Variants in RARB observed in about 807,000 individuals in gnomAD.
RARB encodes the protein HBV-activated protein.
In RARB, 17 loss-of-function variants were observed where a neutral mutation model predicts 51.9. The observed-to-expected ratio is 0.33, with a 90% CI of 0.22 to 0.49. The LOEUF (loss-of-function observed/expected upper bound fraction) is 0.49. Among genes scored for constraint, RARB ranks in the 20% least tolerant of loss-of-function variants. The probability of loss-of-function intolerance (pLI) is 0.99; values close to 1 mark genes in which losing one functional copy is unlikely to be tolerated. For missense variants in RARB, 369 were observed against 550.8 expected (o/e 0.67, Z 3.30); for synonymous variants, 215 against 195.4 (o/e 1.10, Z -0.84).
chr3:25,189,368 A>G (rs574782007), intron 5 of RARB, among the ~76,000 whole-genome samples: 3 of 152,264 alleles, frequency 2.0e-5, no homozygotes, highest in East Asian at 3.9e-4. Flanking sequence ...TTAGCCAAAG[A>G]TTTTTGTAAG....
At chr3:25,367,505 C>T (rs1196961021) in intron 5 of RARB, among the ~76,000 whole-genome samples, 1 of 151,996 alleles carries the variant, frequency 6.6e-6, no homozygotes, top group Non-Finnish European at 1.5e-5. Context: ...TTGTATCAGT[C>T]CCCTATCTCA....
intron 5 of RARB, among the ~76,000 whole-genome samples, chr3:25,317,985 A>G (rs1357187862): frequency 3.3e-5 from 5 of 152,176 alleles, no homozygotes; most frequent in African/African-American, 9.6e-5. Flanking sequence ...GTTGGAAACA[A>G]CAGGCATCCT....
chr3:25,265,505 C>T (rs762955461), intron 5 of RARB, among the ~76,000 whole-genome samples: 2 of 152,178 alleles, frequency 1.3e-5, no homozygotes, highest in Non-Finnish European at 2.9e-5. Flanking sequence ...CAGAGTCTTG[C>T]TCTGTCACCC....
intron 5 of RARB, among the ~76,000 whole-genome samples, chr3:25,332,633 T>C (rs538135061): frequency 6.6e-6 from 1 of 152,310 alleles, no homozygotes; most frequent in South Asian, 2.1e-4. Flanking sequence ...GGATGACCTC[T>C]CTCACCACTC....
chr3:25,070,991 C>T (rs1186183986), intron 3 of RARB, among the ~76,000 whole-genome samples: 2 of 152,162 alleles, frequency 1.3e-5, no homozygotes, highest in Non-Finnish European at 2.9e-5. Context: ...GCAGCATTGA[C>T]ATTTACCAGA....
chr3:25,587,071 G>A (rs1701421415), intron 5 of RARB, among the ~76,000 whole-genome samples: 1 of 152,162 alleles, frequency 6.6e-6, no homozygotes, highest in South Asian at 2.1e-4. Context: ...GTGAACTTAG[G>A]GAAGCTAACT....
chr3:25,400,424 A>G (rs1156294927), intron 5 of RARB, among the ~76,000 whole-genome samples: 2 of 152,232 alleles, frequency 1.3e-5, no homozygotes, highest in East Asian at 1.9e-4. Flanking sequence ...TGTTTATTCC[A>G]TAATTCAAGC....
intron 3 of RARB, among the ~76,000 whole-genome samples, chr3:25,097,952 T>G (rs893006256): frequency 6.6e-6 from 1 of 152,206 alleles, no homozygotes; most frequent in Non-Finnish European, 1.5e-5. Flanking sequence ...GTCCCTACCT[T>G]TAACTTGTTT....
At chr3:25,471,954 G>C (rs1390855181) in intron 2 of RARB, among the ~76,000 whole-genome samples, 1 of 152,112 alleles carries the variant, frequency 6.6e-6, no homozygotes, top group African/African-American at 2.4e-5. Context: ...CTCATTGTCA[G>C]GGCAGGGCTC....
chr3:25,248,438 C>G (rs1318927984), intron 5 of RARB, among the ~76,000 whole-genome samples: 2 of 151,998 alleles, frequency 1.3e-5, no homozygotes, highest in African/African-American at 4.8e-5. Flanking sequence ...TTTGAATATT[C>G]TTTGTTTCTT....
chr3:24,997,746 AACTT>A (rs1697072882), intron 2 of RARB, among the ~76,000 whole-genome samples: 1 of 152,102 alleles, frequency 6.6e-6, no homozygotes. Context: ...CATTTGTGGG[AACTT>A]ACTTTGCAGC....
intron 2 of RARB, among the ~76,000 whole-genome samples, chr3:24,927,647 C>A (rs1275444197): frequency 6.6e-6 from 1 of 152,012 alleles, no homozygotes; most frequent in East Asian, 1.9e-4. Context: ...ATATTCATAC[C>A]CTCAACACAT....
At chr3:25,511,490 T>C (rs1374938938) in intron 3 of RARB, among the ~76,000 whole-genome samples, 1 of 152,072 alleles carries the variant, frequency 6.6e-6, no homozygotes, top group Non-Finnish European at 1.5e-5. Context: ...CCTTTCCCCT[T>C]TATAGTAGTA....
intron 3 of RARB, among the ~76,000 whole-genome samples, chr3:25,544,833 G>T (rs1699550531): frequency 6.6e-6 from 1 of 152,286 alleles, no homozygotes; most frequent in East Asian, 1.9e-4. Flanking sequence ...AGTTTTTCAA[G>T]CAGTTGCTAT....
chr3:24,994,617 T>A (rs1696983266), intron 2 of RARB, among the ~76,000 whole-genome samples: 1 of 152,114 alleles, frequency 6.6e-6, no homozygotes. Flanking sequence ...TCTAATAGTT[T>A]TATTGTTTCG....
At chr3:25,588,724 C>T (rs1304418022) in intron 5 of RARB, among the ~76,000 whole-genome samples, 1 of 152,144 alleles carries the variant, frequency 6.6e-6, no homozygotes, top group Non-Finnish European at 1.5e-5. Flanking sequence ...CACAATCGCT[C>T]ATCACATTTG....
intron 3 of RARB, among the ~76,000 whole-genome samples, chr3:25,095,630 T>A (rs1188552156): frequency 6.6e-6 from 1 of 152,174 alleles, no homozygotes; most frequent in Non-Finnish European, 1.5e-5. Flanking sequence ...CAGATTTGTA[T>A]TGAAAGATGG....
intron 5 of RARB, among the ~76,000 whole-genome samples, chr3:25,213,456 T>C (rs1400340335): frequency 6.6e-6 from 1 of 152,220 alleles, no homozygotes; most frequent in Non-Finnish European, 1.5e-5. Context: ...ATCTCATTTA[T>C]TCATTCTATT....
intron 5 of RARB, among the ~76,000 whole-genome samples, chr3:25,391,115 T>C (rs1402261651): frequency 6.6e-6 from 1 of 152,058 alleles, no homozygotes; most frequent in Non-Finnish European, 1.5e-5. Flanking sequence ...CCTCATAGCA[T>C]AGCTCCTACT....
Sources: allele counts gnomAD v4.1 joint callset (sites outside exome capture counted in the v4.1 genomes callset), GRCh38; gene constraint gnomAD v4.1.1; transcripts MANE v1.5; gene names NCBI Gene and HGNC (gene_info 2026-07-23, HGNC 2026-07-21).